Variants in SATB1 observed in about 807,000 individuals in gnomAD.
SATB1 encodes DNA-binding protein SATB1.
A neutral mutation model predicts 86.9 loss-of-function variants in SATB1; 11 were observed. The ratio of observed to expected loss-of-function variants is 0.13; its 90% CI spans 0.08 to 0.21. The LOEUF is 0.21. Among genes scored for constraint, SATB1 ranks in the 10% least tolerant of loss-of-function variants. The pLI, the probability that SATB1 is intolerant of heterozygous loss-of-function variation, is 1.00. For missense variants in SATB1, 551 were observed against 937.6 expected (o/e 0.59, Z 5.39); for synonymous variants, 357 against 357.2 (o/e 1.00, Z 0.01).
At chr3:18,401,746 A>C (rs1332744243) in intron 5 of SATB1, among the ~76,000 whole-genome samples, 2 of 152,124 alleles carry the variant, frequency 1.3e-5, no homozygotes, top group African/African-American at 2.4e-5. Context: ...GTGTGACACA[A>C]TATTCTCATC....
chr3:18,403,651 T>C (rs1299202385), intron 5 of SATB1, among the ~76,000 whole-genome samples: 1 of 152,100 alleles, frequency 6.6e-6, no homozygotes, highest in African/African-American at 2.4e-5. Flanking sequence ...AAAATGTGTA[T>C]TTAAAAAAAA....
At chr3:18,426,298 A>C (rs1249213959), upstream of SATB1, among the ~76,000 whole-genome samples, 1 of 152,204 alleles carries the variant, frequency 6.6e-6, no homozygotes. The surrounding 1 kb of genome is among the most constrained non-coding windows in gnomAD (Gnocchi z 4.2). Flanking sequence ...GAGCCATAGA[A>C]TACTTTGGAA....
intron 8 of SATB1, among the ~76,000 whole-genome samples, chr3:18,383,079 A>T (rs1363087439): frequency 1.4e-4 from 22 of 152,224 alleles, no homozygotes; most frequent in Admixed American, 1.4e-3. Context: ...GAATTAGAGC[A>T]TGTAAGTTGT....
intron 1 of SATB1, chr3:18,445,121 C>A (rs1699355915): frequency 2.8e-6 from 2 of 724,512 alleles, no homozygotes; most frequent in South Asian, 1.2e-4. Context: ...CTCGGCGGAC[C>A]CCGCGTAGCC....
In SATB1 at chr3:18,368,065, CA is replaced by C. The variant is rs1362007285; in HGVS notation, c.1575+10104del. Among the ~76,000 whole-genome samples, 4 of 152,192 alleles carry C rather than the reference CA, an allele frequency of 2.6e-5. No homozygotes were observed. The East Asian group carries it at 7.7e-4, about 29-fold the overall frequency. On this transcript the variant is annotated intron_variant, in intron 9 of 10. Coordinates refer to ENST00000338745, the MANE Select transcript of SATB1 (RefSeq NM_002971.6). ...TCTTATTTCTTTGACTTATCCCACA[CA>C]ACTATGCTTTGAATAGCAAACCCCC...
At chr3:18,375,483 A>AT (rs1553617964) in intron 9 of SATB1, among the ~76,000 whole-genome samples, 1 of 152,098 alleles carries the variant, frequency 6.6e-6, no homozygotes, top group Non-Finnish European at 1.5e-5. Context: ...CTTCACACAC[A>AT]TTTTGTCTTG....
intron 9 of SATB1, 59 bp downstream of exon 9, chr3:18,378,111 A>T: frequency 1.4e-6 from 2 of 1,419,124 alleles, no homozygotes; most frequent in Non-Finnish European, 1.9e-6. Flanking sequence ...CACTCCTTTT[A>T]ATGAAAATTC....
intron 2 of SATB1, chr3:18,436,747 A>C (rs1463219946): frequency 6.6e-6 from 1 of 152,236 alleles, no homozygotes; most frequent in East Asian, 1.9e-4. Flanking sequence ...TAACACAGAC[A>C]TACCTTATTA....
At chr3:18,358,724 G>A in intron 9 of SATB1, among the ~76,000 whole-genome samples, 1 of 151,960 alleles carries the variant, frequency 6.6e-6, no homozygotes, top group African/African-American at 2.4e-5. Flanking sequence ...TGTGGTTTCT[G>A]ATACTCATAT....
intron 5 of SATB1, among the ~76,000 whole-genome samples, chr3:18,400,376 T>C (rs1292136174): frequency 6.6e-6 from 1 of 152,140 alleles, no homozygotes; most frequent in Non-Finnish European, 1.5e-5. Context: ...AAACATATAT[T>C]CAAGTGAGGA....
Position 18,347,863 on chromosome 3 carries a change from T to C in SATB1, c.*1307A>G, listed in dbSNP as rs566883895. On this transcript the variant is annotated 3_prime_UTR_variant, in exon 11 of 11. Coordinates refer to ENST00000338745, the MANE Select transcript of SATB1 (RefSeq NM_002971.6). ...TTAAAATCAGTGAAATAACAAGTTA[T>C]TAACATGCACCTAAATGAGAGGGCC... is the stretch of plus-strand genomic sequence containing the variant. 1 of 152,438 alleles carries C rather than the reference T, an allele frequency of 6.6e-6. No homozygotes were observed. Among genetic ancestry groups the C allele is most frequent in the East Asian group, 1.9e-4 (1 of 5,188 alleles). 9.4% of individuals were successfully genotyped at this position (152,438 alleles called of 1,614,324 possible).
chr3:18,426,119 C>G (rs1250074195), upstream of SATB1, among the ~76,000 whole-genome samples: 1 of 152,028 alleles, frequency 6.6e-6, no homozygotes, highest in Non-Finnish European at 1.5e-5. The surrounding 1 kb of genome is among the most constrained non-coding windows in gnomAD (Gnocchi z 4.2). Context: ...CGGGGAAGCG[C>G]GGAGGGTGCA....
chr3:18,349,098 GAAGAC>G lies in SATB1; in HGVS notation c.*67_*71del. The G allele has an allele frequency of 6.5e-7, 1 of 1,542,496 alleles. No homozygotes were observed. Among genetic ancestry groups the G allele is most frequent in the Non-Finnish European group, 8.7e-7 (1 of 1,149,318 alleles). On this transcript the variant is annotated 3_prime_UTR_variant, in exon 11 of 11. Coordinates refer to ENST00000338745, the MANE Select transcript of SATB1 (RefSeq NM_002971.6). This position sits in a 1 kb window ranked among gnomAD's most constrained non-coding sequence, Gnocchi z 5.5. Reference sequence around the variant, plus strand: ...AATGAACAACAAAGGTTTTCTGAGAGAAGACAAGGTGGACTTTTCATTTTGTTAGT... The same window carrying G: ...AATGAACAACAAAGGTTTTCTGAGAGAAGGTGGACTTTTCATTTTGTTAGT...
At chr3:18,350,890 T>C in intron 10 of SATB1, 1 of 244,694 alleles carries the variant, frequency 4.1e-6, no homozygotes, top group Non-Finnish European at 8.1e-6. Flanking sequence ...TTCACAGAAA[T>C]ACAAAAAAAT....
chr3:18,377,147 TA>T (rs1695800836), intron 9 of SATB1, among the ~76,000 whole-genome samples: 2 of 152,340 alleles, frequency 1.3e-5, no homozygotes, highest in Non-Finnish European at 2.9e-5. Flanking sequence ...AAAAGATTAT[TA>T]TGTTACAAAT....
intron 9 of SATB1, among the ~76,000 whole-genome samples, chr3:18,355,649 C>A (rs59814491): frequency 0.058 from 8,654 of 150,240 alleles, 660 homozygotes; most frequent in African/African-American, 0.17. Flanking sequence ...TGCAAAAAGA[C>A]AAAAAAAACA....
Position 18,347,064 on chromosome 3 carries a change from A to ACTT in SATB1, c.*2103_*2105dup, listed in dbSNP as rs1242718529. The ACTT allele has an allele frequency of 6.6e-6, 1 of 152,152 alleles. No individual in the cohort carries two copies. Among genetic ancestry groups the ACTT allele is most frequent in the Non-Finnish European group, 1.5e-5 (1 of 68,012 alleles). 9.4% of individuals were successfully genotyped at this position (152,152 alleles called of 1,614,324 possible). ...TAGCTGTGCTTCAAAAGTAAATGGA[A>ACTT]CTTTAAAGCTTTATTGAAAGTTTTC... On this transcript the variant is annotated 3_prime_UTR_variant, in exon 11 of 11. Coordinates refer to ENST00000338745, the MANE Select transcript of SATB1 (RefSeq NM_002971.6).
intron 4 of SATB1, among the ~76,000 whole-genome samples, chr3:18,415,654 T>G (rs1698071502): frequency 6.6e-6 from 1 of 152,094 alleles, no homozygotes; most frequent in African/African-American, 2.4e-5. Flanking sequence ...TTTCACAAAA[T>G]GTACACAGAT....
chr3:18,434,879 A>T (rs920357105), intron 2 of SATB1: 2 of 151,970 alleles, frequency 1.3e-5, no homozygotes, highest in African/African-American at 2.4e-5. Flanking sequence ...AAAAAAAAAT[A>T]ACCGCTAAGG....
Sources: gnomAD v4.1 joint callset for allele counts (sites outside exome capture counted in the v4.1 genomes callset) on GRCh38, gnomAD v4.1.1 for gene constraint, Gnocchi (gnomAD v3.1) non-coding constraint, MANE v1.5 for transcripts, NCBI Gene and HGNC (gene_info 2026-07-23, HGNC 2026-07-21) for gene names.